Variants in NIBAN1 observed in about 807,000 individuals in gnomAD.
NIBAN1 encodes niban apoptosis regulator 1.
A neutral mutation model predicts 75.1 loss-of-function variants in NIBAN1; 81 were observed. That is an observed-to-expected ratio of 1.08 (90% CI 0.90 to 1.30). NIBAN1 has a LOEUF of 1.30. Among genes scored for constraint, NIBAN1 ranks in the 50% most tolerant of loss-of-function variants. The pLI is 0.00. For missense variants in NIBAN1, 1,133 were observed against 1,128.1 expected (o/e 1.00, Z -0.06); for synonymous variants, 436 against 424.8 (o/e 1.03, Z -0.32).
intron 6 of NIBAN1, among the ~76,000 whole-genome samples, chr1:184,830,220 C>T (rs1032724543): frequency 8.5e-5 from 13 of 152,320 alleles, no homozygotes; most frequent in South Asian, 2.1e-4. Flanking sequence ...CATTAGGTTT[C>T]GAACATTGTC....
chr1:184,963,459 T>G (rs1397886833), intron 1 of NIBAN1, among the ~76,000 whole-genome samples: 1 of 152,022 alleles, frequency 6.6e-6, no homozygotes, highest in African/African-American at 2.4e-5. Context: ...GGTATAAAGA[T>G]TTAAAAGAAT....
intron 1 of NIBAN1, among the ~76,000 whole-genome samples, chr1:184,944,026 G>A (rs1658161649): frequency 1.3e-5 from 2 of 152,150 alleles, no homozygotes; most frequent in African/African-American, 4.8e-5. Context: ...TACAGCAACA[G>A]CTATACAATT....
chr1:184,828,322 A>G (rs1654901297), intron 6 of NIBAN1, among the ~76,000 whole-genome samples: 1 of 152,216 alleles, frequency 6.6e-6, no homozygotes, highest in African/African-American at 2.4e-5. Context: ...GTCTGAATGC[A>G]GGCCCCTAGG....
At chr1:184,953,008 G>C (rs1658397413) in intron 1 of NIBAN1, among the ~76,000 whole-genome samples, 1 of 152,160 alleles carries the variant, frequency 6.6e-6, no homozygotes, top group African/African-American at 2.4e-5. Flanking sequence ...GTTGACTAAG[G>C]ATTTTGAAGA....
intron 1 of NIBAN1, among the ~76,000 whole-genome samples, chr1:184,931,370 T>C (rs1023993755): frequency 6.6e-6 from 1 of 152,204 alleles, no homozygotes; most frequent in Non-Finnish European, 1.5e-5. Context: ...TTCCACTAGT[T>C]GCTATCATGA....
At chr1:184,844,196 T>C (rs1270896432) in intron 5 of NIBAN1, among the ~76,000 whole-genome samples, 1 of 152,242 alleles carries the variant, frequency 6.6e-6, no homozygotes, top group Non-Finnish European at 1.5e-5. Flanking sequence ...CTGCATCTTG[T>C]GAAATCAGAA....
At chr1:184,853,737 AC>A (rs1449301013) in intron 5 of NIBAN1, among the ~76,000 whole-genome samples, 2 of 152,042 alleles carry the variant, frequency 1.3e-5, no homozygotes, top group Admixed American at 6.6e-5. Flanking sequence ...ACACAAAAAT[AC>A]ACATATACAC....
intron 9 of NIBAN1, among the ~76,000 whole-genome samples, chr1:184,811,788 G>A (rs1459452278): frequency 2.0e-5 from 3 of 152,066 alleles, no homozygotes; most frequent in Non-Finnish European, 2.9e-5. Flanking sequence ...CACTGCGCCC[G>A]GCTGCATTGA....
At chr1:184,878,717 CA>C (rs1438801613) in intron 5 of NIBAN1, among the ~76,000 whole-genome samples, 1 of 152,110 alleles carries the variant, frequency 6.6e-6, no homozygotes, top group Admixed American at 6.5e-5. Context: ...TTAAAATGCC[CA>C]AGAGATGAGT....
intron 4 of NIBAN1, chr1:184,888,311 C>G (rs1018859025): frequency 6.6e-6 from 1 of 152,154 alleles, no homozygotes; most frequent in Non-Finnish European, 1.5e-5. Context: ...GAAATAATAT[C>G]ACAGAGTCAG....
intron 1 of NIBAN1, among the ~76,000 whole-genome samples, chr1:184,916,826 A>G (rs1374650325): frequency 6.6e-6 from 1 of 152,088 alleles, no homozygotes; most frequent in Non-Finnish European, 1.5e-5. Context: ...TGCTTATTCT[A>G]CTATTCATCT....
intron 1 of NIBAN1, among the ~76,000 whole-genome samples, chr1:184,963,778 A>T (rs1347983964): frequency 6.6e-6 from 1 of 152,190 alleles, no homozygotes; most frequent in Non-Finnish European, 1.5e-5. Flanking sequence ...TATGGAAGAG[A>T]TGTGCCATAC....
intron 1 of NIBAN1, among the ~76,000 whole-genome samples, chr1:184,934,254 T>C (rs1456027051): frequency 6.6e-6 from 1 of 151,930 alleles, no homozygotes; most frequent in Non-Finnish European, 1.5e-5. Context: ...TACTTATAAG[T>C]GGGAAGTAAA....
intron 12 of NIBAN1, among the ~76,000 whole-genome samples, chr1:184,802,437 T>C (rs144848975): frequency 0.014 from 2,142 of 152,298 alleles, 29 homozygotes; most frequent in Middle Eastern, 0.02. Flanking sequence ...CAAACCCACC[T>C]AGCAGTGGAC....
At chr1:184,841,787 C>T (rs554844795) in intron 5 of NIBAN1, among the ~76,000 whole-genome samples, 12 of 152,328 alleles carry the variant, frequency 7.9e-5, no homozygotes, top group African/African-American at 2.9e-4. Context: ...AGTACTCCAT[C>T]TGGGCTGAGT....
chr1:184,796,557 C>T (rs569361300), intron 13 of NIBAN1, among the ~76,000 whole-genome samples: 3 of 152,266 alleles, frequency 2.0e-5, no homozygotes, highest in Non-Finnish European at 4.4e-5. Flanking sequence ...AATAGGTACT[C>T]GGTACTGCAC....
At chr1:184,816,031 C>T (rs1186320258) in intron 9 of NIBAN1, among the ~76,000 whole-genome samples, 1 of 152,190 alleles carries the variant, frequency 6.6e-6, no homozygotes, top group Non-Finnish European at 1.5e-5. Flanking sequence ...GCTGCTGACA[C>T]TTGTGGCCTA....
chr1:184,959,117 T>A (rs1658563403), intron 1 of NIBAN1, among the ~76,000 whole-genome samples: 1 of 152,238 alleles, frequency 6.6e-6, no homozygotes, highest in Non-Finnish European at 1.5e-5. Context: ...ATGTGCTTTT[T>A]AAAGGAACAT....
At chr1:184,813,670 G>A (rs192140517) in intron 9 of NIBAN1, among the ~76,000 whole-genome samples, 30 of 152,304 alleles carry the variant, frequency 2.0e-4, no homozygotes, top group African/African-American at 5.1e-4. Flanking sequence ...TAAACATGTC[G>A]TACATGGTCT....
Sources: allele counts gnomAD v4.1 joint callset (sites outside exome capture counted in the v4.1 genomes callset), GRCh38; gene constraint gnomAD v4.1.1; transcripts MANE v1.5; gene names NCBI Gene and HGNC (gene_info 2026-07-23, HGNC 2026-07-21).